Variants in PHACTR3 observed in about 807,000 individuals in gnomAD.
PHACTR3 encodes phosphatase and actin regulator 3, also known as protein phosphatase 1, regulatory subunit 123.
A neutral mutation model predicts 66.8 loss-of-function variants in PHACTR3; 16 were observed. The ratio of observed to expected loss-of-function variants is 0.24; its 90% confidence interval spans 0.16 to 0.36. PHACTR3 has a LOEUF of 0.36. PHACTR3 is among the 10% of genes least tolerant of loss of function. The pLI is 1.00. For missense variants in PHACTR3, 647 were observed against 719.9 expected, an observed-to-expected ratio of 0.90 and a Z score of 1.16; for synonymous variants, 323 against 292.1, an observed-to-expected ratio of 1.11 and a Z score of -1.08.
intron 1 of PHACTR3, among the ~76,000 whole-genome samples, chr20:59,591,626 C>G (rs1002408319): frequency 6.6e-6 from 1 of 152,048 alleles, no homozygotes; most frequent in African/African-American, 2.4e-5. Context: ...TGCAGTGCCA[C>G]TGGGGGAGAT....
chr20:59,697,030 AG>A (rs1405622410), intron 1 of PHACTR3, among the ~76,000 whole-genome samples: 1 of 152,192 alleles, frequency 6.6e-6, no homozygotes, highest in Non-Finnish European at 1.5e-5. Flanking sequence ...GGAGAGAGAC[AG>A]GCTGTGAAAC....
At chr20:59,656,229 T>A (rs952128270) in intron 1 of PHACTR3, among the ~76,000 whole-genome samples, 1 of 151,938 alleles carries the variant, frequency 6.6e-6, no homozygotes, top group Non-Finnish European at 1.5e-5. Flanking sequence ...ATTCTATTCA[T>A]GAGTGAAAGT....
chr20:59,663,523 C>T (rs747290666), intron 1 of PHACTR3, among the ~76,000 whole-genome samples: 2 of 152,200 alleles, frequency 1.3e-5, no homozygotes, highest in African/African-American at 2.4e-5. Flanking sequence ...GAAAATGTTT[C>T]GGTTCACTCT....
In PHACTR3 at chr20:59,829,015, C is replaced by G. The variant is rs1048453108; in HGVS notation, c.1329-7490C>G. ...ACTTGGAGCTTCCTGGGGTGTTGGA[C>G]GTAGGGAGTAAGAGGAGCCAGTTCT... On this transcript the variant is annotated intron_variant, in intron 8 of 12. Transcript: ENST00000371015. This position sits in a 1 kb window ranked among gnomAD's most constrained non-coding sequence, Gnocchi z 4.2. Among the ~76,000 whole-genome samples, 1 of 151,826 alleles carries G rather than the reference C, an allele frequency of 6.6e-6. No individual in the cohort carries two copies. The highest frequency in any genetic ancestry group is 6.6e-5 in the Admixed American group (1 of 15,248).
intron 1 of PHACTR3, among the ~76,000 whole-genome samples, chr20:59,579,320 A>C (rs1475517514): frequency 6.6e-6 from 1 of 152,224 alleles, no homozygotes; most frequent in Non-Finnish European, 1.5e-5. Flanking sequence ...GGGCTCAGCC[A>C]CTGCTGACCC....
chr20:59,841,495 G>A lies in PHACTR3; in HGVS notation c.1547G>A (p.Arg516Lys). 7.4e-6 allele frequency: 12 copies of A among 1,613,532 alleles called. No homozygotes were observed. Among genetic ancestry groups the A allele is most frequent in the Non-Finnish European group, 1.0e-5 (12 of 1,179,662 alleles). Reference protein sequence around the residue: ...EVAKAQDYDRRADKPWTRLSA... With the variant: ...EVAKAQDYDRKADKPWTRLSA... ...GCAAAAGCGCAGGACTATGACAGGA[G>A]GGCAGACAAACCCTGGACGAGACTG... The change falls in exon 11 of 13, where the codon AGG becomes AAG. Residue 516 changes from arginine to lysine, a missense_variant. Transcript: ENST00000371015.
At chr20:59,715,222 T>G (rs2038052149) in intron 1 of PHACTR3, among the ~76,000 whole-genome samples, 1 of 152,242 alleles carries the variant, frequency 6.6e-6, no homozygotes, top group South Asian at 2.1e-4. Flanking sequence ...AGGGAAAGAT[T>G]TGAATATTTC....
chr20:59,657,621 A>G (rs1279504040), intron 1 of PHACTR3, among the ~76,000 whole-genome samples: 1 of 152,082 alleles, frequency 6.6e-6, no homozygotes, highest in African/African-American at 2.4e-5. Context: ...CTTTGAATAT[A>G]TTTCATCCCA....
rs11477768 is a variant in PHACTR3, at chr20:59,604,877, CTTTTTTTTTT to C, written c.-125_-116del. The stretch of plus-strand genomic sequence containing the variant: ...TCTCCAGCTCGTTTCCTTTCCCGGC[CTTTTTTTTTT>C]TTTTTTTTTTTTAATTTTCTTTTTT... On this transcript the variant is annotated 5_prime_UTR_variant, in exon 1 of 13. Transcript: ENST00000371015. 22 of 978,806 alleles carry C rather than the reference CTTTTTTTTTT, an allele frequency of 2.2e-5. No individual in the cohort carries two copies. Among genetic ancestry groups the C allele is most frequent in the East Asian group, 8.2e-5 (1 of 12,248 alleles). 60.6% of individuals were successfully genotyped at this position (978,806 alleles called of 1,614,324 possible).
intron 1 of PHACTR3, among the ~76,000 whole-genome samples, chr20:59,717,274 T>C (rs2038126240): frequency 6.6e-6 from 1 of 152,226 alleles, no homozygotes; most frequent in Non-Finnish European, 1.5e-5. Flanking sequence ...CTTTTTTAAA[T>C]TGAAGTTTTT....
chr20:59,817,501 G>C lies in PHACTR3; in HGVS notation c.1328+11307G>C, dbSNP rs1600709211. ...AGGAGAGAAAGCTTTATCGGAATGA[G>C]TAAGACCAATAGTATTAACCCATGA... On this transcript the variant is annotated intron_variant, in intron 8 of 12. Coordinates refer to ENST00000371015, the MANE Select transcript of PHACTR3 (RefSeq NM_080672.5). Among the ~76,000 whole-genome samples, 3 of 152,392 alleles carry C rather than the reference G, an allele frequency of 2.0e-5. No individual in the cohort carries two copies. In the South Asian group the frequency reaches 6.2e-4, roughly 32 times the overall value.
At chr20:59,766,515 A>T (rs1470989792) in intron 4 of PHACTR3, among the ~76,000 whole-genome samples, 2 of 152,162 alleles carry the variant, frequency 1.3e-5, no homozygotes, top group Non-Finnish European at 2.9e-5. Flanking sequence ...AAAGCTGGGG[A>T]TGGGCAGGCT....
At chr20:59,664,150 T>C (rs993868098) in intron 1 of PHACTR3, among the ~76,000 whole-genome samples, 2 of 152,128 alleles carry the variant, frequency 1.3e-5, no homozygotes, top group Non-Finnish European at 2.9e-5. Flanking sequence ...GGATAAGTAA[T>C]TAACAAATGG....
chr20:59,630,887 G>C (rs2034636203), intron 1 of PHACTR3, among the ~76,000 whole-genome samples: 1 of 152,106 alleles, frequency 6.6e-6, no homozygotes, highest in Non-Finnish European at 1.5e-5. Context: ...TGTTCTAGGG[G>C]ATTCGAGGAG....
intron 1 of PHACTR3, among the ~76,000 whole-genome samples, chr20:59,696,145 T>C (rs767970986): frequency 6.6e-6 from 1 of 152,216 alleles, no homozygotes; most frequent in Non-Finnish European, 1.5e-5. Context: ...GTGAACATAG[T>C]GCCAAGTTTT....
chr20:59,707,592 G>T (rs190433072), intron 1 of PHACTR3, among the ~76,000 whole-genome samples: 1 of 150,372 alleles, frequency 6.7e-6, no homozygotes, highest in African/African-American at 2.4e-5. Flanking sequence ...TCAGCCTCCC[G>T]AGTGGCTGGG....
intron 1 of PHACTR3, among the ~76,000 whole-genome samples, chr20:59,614,597 G>A (rs548834701): frequency 6.6e-6 from 1 of 152,266 alleles, no homozygotes; most frequent in East Asian, 1.9e-4. Flanking sequence ...GTGGCTATAC[G>A]ACCTAAGAAG....
chr20:59,748,247 C>T (rs1342559362), intron 3 of PHACTR3, among the ~76,000 whole-genome samples: 1 of 152,146 alleles, frequency 6.6e-6, no homozygotes, highest in African/African-American at 2.4e-5. Flanking sequence ...CTCCCCCTAC[C>T]ACCATGTAGG....
chr20:59,618,637 G>A (rs750340977), intron 1 of PHACTR3, among the ~76,000 whole-genome samples: 19 of 152,234 alleles, frequency 1.2e-4, no homozygotes, highest in East Asian at 1.9e-4. Flanking sequence ...AGGCACCTAC[G>A]TGGTGTCTGG....
Sources: allele counts gnomAD v4.1 joint callset (sites outside exome capture counted in the v4.1 genomes callset), GRCh38; gene constraint gnomAD v4.1.1; non-coding constraint Gnocchi (gnomAD v3.1); transcripts MANE v1.5; gene names NCBI Gene and HGNC (gene_info 2026-07-23, HGNC 2026-07-21).